ZMYM1: variants seen among roughly 807,000 people sequenced by gnomAD.
ZMYM1 encodes the protein zinc finger MYM-type protein 1.
ZMYM1 carries 39 observed loss-of-function variants against 60.0 expected under a neutral mutation model. The observed-to-expected ratio is 0.65, with a 90% CI of 0.50 to 0.85. ZMYM1 has a LOEUF of 0.85. ZMYM1 is among the 40% of genes least tolerant of loss of function. The pLI is 0.00. For missense variants in ZMYM1, 1,171 were observed against 1,309.5 expected (o/e 0.89, Z 1.63); for synonymous variants, 413 against 454.0 (o/e 0.91, Z 1.15).
chr1:35,092,231 CTTCGTTTTTTTGT>C (rs1426041613), intron 1 of ZMYM1, among the ~76,000 whole-genome samples: 14 of 131,108 alleles, frequency 1.1e-4, no homozygotes, highest in African/African-American at 4.0e-4. Flanking sequence ...CGGCCAAAGA[CTTCGTTTTTTTGT>C]TTGTTTGAGA....
chr1:35,108,694 C>T (rs72906968), intron 6 of ZMYM1, among the ~76,000 whole-genome samples: 9,157 of 146,474 alleles, frequency 0.063, 974 homozygotes, highest in African/African-American at 0.22. Context: ...TTTGTTCCAT[C>T]GGTGATTTTT....
At chr1:35,088,805 C>CTTTTTTTTTTTTTTTTTT in intron 1 of ZMYM1, among the ~76,000 whole-genome samples, 2 of 119,614 alleles carry the variant, frequency 1.7e-5, no homozygotes, top group African/African-American at 3.1e-5. Flanking sequence ...GGATGCTTTC[C>CTTTTTTTTTTTTTTTTTT]TTTTTTTTTT....
chr1:35,074,853 ATAT>A (rs1291454392), upstream of ZMYM1, among the ~76,000 whole-genome samples: 11 of 71,876 alleles, frequency 1.5e-4, no homozygotes, highest in African/African-American at 7.0e-4. Context: ...GGACACATAT[ATAT>A]TTTTTTTTTT....
chr1:35,113,402 A>C lies in ZMYM1; in HGVS notation c.1572A>C (p.Glu524Asp). 1 of 1,613,852 alleles carries C rather than the reference A, an allele frequency of 6.2e-7. No homozygotes were observed. Among genetic ancestry groups the C allele is most frequent in the Non-Finnish European group, 8.5e-7 (1 of 1,179,928 alleles). ...GTGAAATGCATTTGAAGTCATTGGA[A>C]TTTTGGAGAGAATACCAATTTTGTG... ...EKSEMHLKSLEFWREYQFCDG... is the reference protein window; with the variant it reads ...EKSEMHLKSLDFWREYQFCDG... The change falls in exon 10 of 10, where the codon GAA becomes GAC. Residue 524 changes from glutamate (E) to aspartate (D), a missense_variant. By Grantham distance (45) the Glu-to-Asp change is conservative. Transcript: ENST00000359858.
Position 35,111,767 on chromosome 1 carries a change from G to T in ZMYM1, c.962-5G>T. 6.4e-7 allele frequency: 1 copy of T among 1,554,446 alleles called. No individual in the cohort carries two copies. Among genetic ancestry groups the T allele is most frequent in the African/African-American group, 1.4e-5 (1 of 72,848 alleles). ...GTTTATAAGAAATCTTTTTATTGTT[G>T]TCAGTAAGTGTTGTTTCTGTGGTGC... is the stretch of plus-strand genomic sequence containing the variant. On this transcript the variant is annotated splice_region_variant and splice_polypyrimidine_tract_variant and intron_variant, in intron 7 of 9. Coordinates refer to ENST00000359858, the MANE Select transcript of ZMYM1 (RefSeq NM_024772.5).
intron 4 of ZMYM1, among the ~76,000 whole-genome samples, chr1:35,103,441 A>G (rs1186801349): frequency 6.6e-6 from 1 of 152,084 alleles, no homozygotes; most frequent in East Asian, 1.9e-4. Flanking sequence ...TTAGCATAAT[A>G]TTTTCAAGGT....
At chr1:35,064,926 C>T (rs1174195170) in intron 1 of ZMYM1, among the ~76,000 whole-genome samples, 2 of 152,102 alleles carry the variant, frequency 1.3e-5, no homozygotes, top group African/African-American at 2.4e-5. Flanking sequence ...CCGCCTGCCT[C>T]GGCCTCCCAA....
intron 6 of ZMYM1, among the ~76,000 whole-genome samples, chr1:35,107,633 A>G (rs1273745283): frequency 5.9e-5 from 9 of 152,226 alleles, no homozygotes; most frequent in Non-Finnish European, 1.2e-4. Context: ...TAAATCTACA[A>G]TGTTAGTGAA....
chr1:35,063,131 T>C (rs1403804700), intron 1 of ZMYM1, among the ~76,000 whole-genome samples: 6 of 151,674 alleles, frequency 4.0e-5, no homozygotes, highest in Admixed American at 6.6e-5. Flanking sequence ...CTTTTCTTTT[T>C]TTTTTTTTTT....
intron 2 of ZMYM1, among the ~76,000 whole-genome samples, chr1:35,095,252 G>A (rs1455671042): frequency 2.0e-5 from 3 of 151,880 alleles, no homozygotes; most frequent in African/African-American, 4.8e-5. Context: ...GCTCATTCCT[G>A]TAATCCCAGC....
rs183385071 is a variant in ZMYM1 at position 35,091,116 on chromosome 1, G to A, written c.-74-2798G>A. On this transcript the variant is annotated intron_variant, in intron 1 of 9. Transcript: ENST00000359858. ...ATATCTGTAAAACAGGTTTGTGGGGGTAATAAAAGAATATAGTTTTACTGA... is the reference window on the plus strand; with the variant it reads ...ATATCTGTAAAACAGGTTTGTGGGGATAATAAAAGAATATAGTTTTACTGA... 6.0e-4 allele frequency among the ~76,000 whole-genome samples: 91 copies of A among 152,248 alleles called. 3 individuals carry two copies. In the East Asian group the frequency reaches 0.017, roughly 29 times the overall value.
upstream of ZMYM1, among the ~76,000 whole-genome samples, chr1:35,074,985 T>C (rs559140934): frequency 1.5e-4 from 23 of 151,740 alleles, no homozygotes; most frequent in African/African-American, 5.6e-4. Context: ...CTCAGCCTCC[T>C]GAGTAGCTGG....
chr1:35,104,404 C>A lies in ZMYM1; in HGVS notation c.529C>A (p.Pro177Thr). Residue 177 changes from proline to threonine, a missense_variant, in exon 5 of 10, where the codon CCA becomes ACA. By Grantham distance (38) the Pro-to-Thr change is conservative. Coordinates refer to ENST00000359858, the MANE Select transcript of ZMYM1 (RefSeq NM_024772.5). The stretch of plus-strand genomic sequence containing the variant: ...TTCATCATATGAAGAAAAAAGAAAA[C>A]CATTTGTTACCATATGTACTAATAG... ...CLSSYEEKRK[P>T]FVTICTNSIL... The A allele has an allele frequency of 6.2e-7, 1 of 1,612,760 alleles. No individual in the cohort carries two copies. Among genetic ancestry groups the A allele is most frequent in the Non-Finnish European group, 8.5e-7 (1 of 1,179,586 alleles).
At chr1:35,103,592 C>G (rs141522031) in intron 4 of ZMYM1, among the ~76,000 whole-genome samples, 79 of 152,196 alleles carry the variant, frequency 5.2e-4, no homozygotes, top group African/African-American at 1.8e-3. Context: ...ATCTTTTGAC[C>G]ATTGTGAATA....
intron 1 of ZMYM1, among the ~76,000 whole-genome samples, chr1:35,089,277 T>C (rs780705289): frequency 2.5e-4 from 38 of 152,328 alleles, no homozygotes; most frequent in Middle Eastern, 3.4e-3. Flanking sequence ...GCTTTGTTTT[T>C]AATTGATGTT....
chr1:35,098,906 A>G (rs943813752), intron 4 of ZMYM1, among the ~76,000 whole-genome samples: 1 of 152,024 alleles, frequency 6.6e-6, no homozygotes, highest in Non-Finnish European at 1.5e-5. Context: ...AAAGAAATGC[A>G]CTTTCTCAGG....
intron 1 of ZMYM1, among the ~76,000 whole-genome samples, chr1:35,080,230 C>T (rs1442673759): frequency 6.6e-6 from 1 of 152,078 alleles, no homozygotes; most frequent in Admixed American, 6.6e-5. Flanking sequence ...TCAAACTTTC[C>T]AGTTCCTTCT....
chr1:35,118,107 G>A (rs746430633), downstream of ZMYM1, among the ~76,000 whole-genome samples: 2 of 151,936 alleles, frequency 1.3e-5, no homozygotes, highest in Non-Finnish European at 2.9e-5. Flanking sequence ...CAGGTGTGGT[G>A]GTGGGTGCCT....
intron 9 of ZMYM1, 149 bp downstream of exon 9, chr1:35,112,279 G>C: frequency 1.4e-6 from 1 of 698,586 alleles, no homozygotes; most frequent in Non-Finnish European, 2.4e-6. Context: ...CTGGGTTCAA[G>C]CGATTCTCCT....
Sources: allele counts gnomAD v4.1 joint callset (sites outside exome capture counted in the v4.1 genomes callset), GRCh38; gene constraint gnomAD v4.1.1; transcripts MANE v1.5; gene names NCBI Gene and HGNC (gene_info 2026-07-23, HGNC 2026-07-21).